CHRNG: variants seen among roughly 807,000 people sequenced by gnomAD.
The protein encoded by CHRNG is cholinergic receptor nicotinic gamma subunit, also known as acetylcholine receptor subunit gamma.
In CHRNG, 72 loss-of-function variants were observed where a neutral mutation model predicts 65.2. The ratio of observed to expected loss-of-function variants is 1.10; its 90% CI spans 0.91 to 1.34. CHRNG has a LOEUF of 1.34. CHRNG is among the 40% of genes most tolerant of loss of function. CHRNG has a pLI of 0.00. For missense variants in CHRNG, 637 were observed against 680.1 expected (o/e 0.94, Z 0.70); for synonymous variants, 284 against 290.2 (o/e 0.98, Z 0.22).
At position 232,547,634 on chromosome 2, in the gene CHRNG, A is replaced by T. The variant is rs113546674; in HGVS notation, c.*1918A>T. ...TGCACAGTGTGTTTGAAGCAAGAGC[A>T]GAGTCAGAGCTATAGAGAACTAGAG... is the stretch of plus-strand genomic sequence containing the variant. On this transcript the variant is annotated 3_prime_UTR_variant, in exon 12 of 12. Coordinates refer to ENST00000651502, the MANE Select transcript of CHRNG (RefSeq NM_005199.5). 7.0e-4 allele frequency among the ~76,000 whole-genome samples: 107 copies of T among 152,316 alleles called. No individual in the cohort carries two copies. Among genetic ancestry groups the T allele is most frequent in the Non-Finnish European group, 1.4e-3 (95 of 68,032 alleles).
In CHRNG at chr2:232,545,755, G is replaced by C. The variant is rs777563686; in HGVS notation, c.*39G>C. 3 of 1,607,980 alleles carry C rather than the reference G, an allele frequency of 1.9e-6. No homozygotes were observed. Among genetic ancestry groups the C allele is most frequent in the Non-Finnish European group, 2.6e-6 (3 of 1,174,984 alleles). ...TGTGGGGCATGTGGGAGTCACACAC[G>C]TGGGTCACACTGAGTCTTATCAGCC... On this transcript the variant is annotated 3_prime_UTR_variant, in exon 12 of 12. Coordinates refer to ENST00000651502, the MANE Select transcript of CHRNG (RefSeq NM_005199.5).
At position 232,540,978 on chromosome 2, in the gene CHRNG, A is replaced by G. The variant is rs1413920204; in HGVS notation, c.350+267A>G. Among the ~76,000 whole-genome samples the G allele has an allele frequency of 6.6e-6, 1 of 151,898 alleles. No homozygotes were observed. The highest frequency in any genetic ancestry group is 1.5e-5 in the Non-Finnish European group (1 of 67,966). Reference sequence around the variant, plus strand: ...GGTGGGCTGCTCCCTTCCCTGTAACATGGGGCCGCTGACGGGTCCTATAGA... The same window carrying G: ...GGTGGGCTGCTCCCTTCCCTGTAACGTGGGGCCGCTGACGGGTCCTATAGA... On this transcript the variant is annotated intron_variant, in intron 4 of 11. Transcript: ENST00000651502. The surrounding 1 kb of genome is among the most constrained non-coding windows in gnomAD (Gnocchi z 4.2).
intron 7 of CHRNG, 51 bp from the exon 8 acceptor site, chr2:232,543,224 G>T (rs752281775): frequency 1.9e-6 from 3 of 1,549,348 alleles, no homozygotes; most frequent in Non-Finnish European, 2.7e-6. Flanking sequence ...GGGTTCCTCT[G>T]TGGGTGGGGG....
At position 232,540,625 on chromosome 2, in the gene CHRNG, C is replaced by T. The variant is rs536328888; in HGVS notation, c.264C>T (p.Arg88=). The T allele has an allele frequency of 6.2e-7, 1 of 1,612,736 alleles. No homozygotes were observed. The highest frequency in any genetic ancestry group is 1.3e-5 in the African/African-American group (1 of 75,050). ...AGCAGTGGTGCGACTATCGCCTGCG[C>T]TGGGATCCGCGAGACTACGAAGGCC... ...IEMQWCDYRL[R]WDPRDYEGLW... Residue 88 remains arginine, a synonymous_variant, in exon 4 of 12, where the codon CGC becomes CGT. Coordinates refer to ENST00000651502, the MANE Select transcript of CHRNG (RefSeq NM_005199.5). This position sits in a 1 kb window ranked among gnomAD's most constrained non-coding sequence, Gnocchi z 4.2.
chr2:232,540,648 G>T lies in CHRNG; in HGVS notation c.287G>T (p.Gly96Val). ...CGCTGGGATCCGCGAGACTACGAAG[G>T]CCTGTGGGTGCTGAGGGTGCCGTCC... ...RLRWDPRDYE[G>V]LWVLRVPSTM... Residue 96 changes from glycine to valine, a missense_variant, in exon 4 of 12, where the codon GGC (glycine) becomes GTC (valine). Gly to Val is a moderately radical substitution (Grantham distance 109, BLOSUM62 -3). Coordinates refer to ENST00000651502, the MANE Select transcript of CHRNG (RefSeq NM_005199.5). The surrounding 1 kb of genome is among the most constrained non-coding windows in gnomAD (Gnocchi z 4.2). 2 of 1,613,138 alleles carry T rather than the reference G, an allele frequency of 1.2e-6. No homozygotes were observed. Among genetic ancestry groups the T allele is most frequent in the Non-Finnish European group, 1.7e-6 (2 of 1,179,984 alleles).
chr2:232,545,175 C>T lies in CHRNG; in HGVS notation c.1380+273C>T, dbSNP rs144915291. 3.1e-3 allele frequency among the ~76,000 whole-genome samples: 478 copies of T among 152,114 alleles called. 3 individuals carry two copies. Among genetic ancestry groups the T allele is most frequent in the African/African-American group, 0.01 (435 of 41,506 alleles). On this transcript the variant is annotated intron_variant, in intron 11 of 11. Coordinates refer to ENST00000651502, the MANE Select transcript of CHRNG (RefSeq NM_005199.5). ...ACCAAAAATTAGCTGGGTGTGGTGG[C>T]GGGCACCTGTATTCCCAGCTACTCA...
At chr2:232,543,792 C>T (rs1692069228) in intron 9 of CHRNG, 93 bp downstream of exon 9, 1 of 780,068 alleles carries the variant, frequency 1.3e-6, no homozygotes, top group South Asian at 1.4e-5. Flanking sequence ...TGTGGCATTC[C>T]ACAGCACACC....
At position 232,541,476 on chromosome 2, in the gene CHRNG, T is replaced by C. The variant is rs1692016692; in HGVS notation, c.453T>C (p.Ser151=). The part of the protein sequence containing the change: ...LPPAIFRSAC[S]ISVTYFPFDW... ...CTGCCATCTTCCGTTCCGCCTGCTC[T>C]ATCTCAGTCACCTACTTCCCCTTCG... The change falls in exon 5 of 12, where the codon TCT becomes TCC. Residue 151 remains serine, a synonymous_variant. Transcript: ENST00000651502. This position sits in a 1 kb window ranked among gnomAD's most constrained non-coding sequence, Gnocchi z 4.0. 4 of 1,614,040 alleles carry C rather than the reference T, an allele frequency of 2.5e-6. No individual in the cohort carries two copies. The highest frequency in any genetic ancestry group is 1.7e-6 in the Non-Finnish European group (2 of 1,180,010).
rs955760239 is a variant in CHRNG, at chr2:232,540,324, G to A, written c.196-57G>A. On this transcript the variant is annotated intron_variant, in intron 2 of 11. Coordinates refer to ENST00000651502, the MANE Select transcript of CHRNG (RefSeq NM_005199.5). This position sits in a 1 kb window ranked among gnomAD's most constrained non-coding sequence, Gnocchi z 4.2. ...TGCTTGGCCCCATTGGTGGCCTGTGGGGACTGGCACTGAAGTCGGGGGCTG... is the reference window on the plus strand; with the variant it reads ...TGCTTGGCCCCATTGGTGGCCTGTGAGGACTGGCACTGAAGTCGGGGGCTG... The A allele has an allele frequency of 1.9e-6, 3 of 1,610,278 alleles. No homozygotes were observed. In the African/African-American group the frequency reaches 4.0e-5, roughly 22 times the overall value.
chr2:232,541,012 A>G lies in CHRNG; in HGVS notation c.350+301A>G, dbSNP rs1253848363. On this transcript the variant is annotated intron_variant, in intron 4 of 11. Coordinates refer to ENST00000651502, the MANE Select transcript of CHRNG (RefSeq NM_005199.5). This position sits in a 1 kb window ranked among gnomAD's most constrained non-coding sequence, Gnocchi z 4.0. ...CTGACGGGTCCTATAGAAGCTGGCGAGAGTCAACAAGACAGGCATGAAAAG... is the reference window on the plus strand; with the variant it reads ...CTGACGGGTCCTATAGAAGCTGGCGGGAGTCAACAAGACAGGCATGAAAAG... 6.6e-6 allele frequency among the ~76,000 whole-genome samples: 1 copy of G among 152,082 alleles called. No homozygotes were observed. The highest frequency in any genetic ancestry group is 1.5e-5 in the Non-Finnish European group (1 of 67,990).
chr2:232,540,349 G>A lies in CHRNG; in HGVS notation c.196-32G>A, dbSNP rs768231836. ...GGGACTGGCACTGAAGTCGGGGGCT[G>A]AGCCCTCCATACTACACCCTTGCAC... is the stretch of plus-strand genomic sequence containing the variant. On this transcript the variant is annotated intron_variant, in intron 2 of 11. Coordinates refer to ENST00000651502, the MANE Select transcript of CHRNG (RefSeq NM_005199.5). The surrounding 1 kb of genome is among the most constrained non-coding windows in gnomAD (Gnocchi z 4.2). 2 of 1,613,996 alleles carry A rather than the reference G, an allele frequency of 1.2e-6. No individual in the cohort carries two copies. The highest frequency in any genetic ancestry group is 1.7e-6 in the Non-Finnish European group (2 of 1,179,906).
At position 232,541,500 on chromosome 2, in the gene CHRNG, C is replaced by G. The variant is rs13391285; in HGVS notation, c.477C>G (p.Phe159Leu). 1.9e-6 allele frequency: 3 copies of G among 1,614,106 alleles called. No individual in the cohort carries two copies. The highest frequency in any genetic ancestry group is 2.5e-6 in the Non-Finnish European group (3 of 1,179,996). Residue 159 changes from phenylalanine to leucine, a missense_variant, in exon 5 of 12, where the codon TTC becomes TTG. Coordinates refer to ENST00000651502, the MANE Select transcript of CHRNG (RefSeq NM_005199.5). This position sits in a 1 kb window ranked among gnomAD's most constrained non-coding sequence, Gnocchi z 4.0. ...ACSISVTYFPFDWQNCSLIFQ... is the reference protein window; with the variant it reads ...ACSISVTYFPLDWQNCSLIFQ... ...CTATCTCAGTCACCTACTTCCCCTT[C>G]GACTGGCAGAACTGCTCCCTTATCT...
chr2:232,540,623 C>G lies in CHRNG; in HGVS notation c.262C>G (p.Arg88Gly), dbSNP rs1261309571. ...IEMQWCDYRL[R>G]WDPRDYEGLW... is the part of the protein sequence containing the mutation. Reference sequence around the variant, plus strand: ...GCAGCAGTGGTGCGACTATCGCCTGCGCTGGGATCCGCGAGACTACGAAGG... The same window carrying G: ...GCAGCAGTGGTGCGACTATCGCCTGGGCTGGGATCCGCGAGACTACGAAGG... Residue 88 changes from arginine (R) to glycine (G), a missense_variant, in exon 4 of 12, where the codon CGC (arginine) becomes GGC (glycine). Physicochemically the swap from Arg to Gly is moderately radical, Grantham distance 125. Transcript: ENST00000651502. This position sits in a 1 kb window ranked among gnomAD's most constrained non-coding sequence, Gnocchi z 4.2. 3 of 1,612,510 alleles carry G rather than the reference C, an allele frequency of 1.9e-6. No individual in the cohort carries two copies. The highest frequency in any genetic ancestry group is 2.5e-6 in the Non-Finnish European group (3 of 1,179,962).
Position 232,540,109 on chromosome 2 carries a change from C to A in CHRNG, c.173C>A (p.Thr58Asn). The A allele has an allele frequency of 6.2e-7, 1 of 1,614,210 alleles. No individual in the cohort carries two copies. Among genetic ancestry groups the A allele is most frequent in the Non-Finnish European group, 8.5e-7 (1 of 1,180,012 alleles). ...SDVVNVSLKLTLTNLISLNER... is the reference protein window; with the variant it reads ...SDVVNVSLKLNLTNLISLNER... The stretch of plus-strand genomic sequence containing the variant: ...GTGGTCAATGTCAGCCTGAAGCTAA[C>A]CCTCACCAACCTCATCTCCCTGGTA... The change falls in exon 2 of 12, where the codon ACC becomes AAC. Residue 58 changes from threonine (T) to asparagine (N), a missense_variant. Transcript: ENST00000651502. The surrounding 1 kb of genome is among the most constrained non-coding windows in gnomAD (Gnocchi z 4.2).
intron 11 of CHRNG, among the ~76,000 whole-genome samples, 181 bp downstream of exon 11, chr2:232,545,083 G>A (rs1052397874): frequency 1.3e-5 from 2 of 152,052 alleles, no homozygotes; most frequent in Admixed American, 1.3e-4. Flanking sequence ...GATCACCTGA[G>A]GTCAGGAGTT....
At chr2:232,544,661 G>A (rs546453855) in intron 10 of CHRNG, 81 bp downstream of exon 10, 100 of 1,566,224 alleles carry the variant, frequency 6.4e-5, no homozygotes, top group Admixed American at 2.2e-4. Flanking sequence ...ATGAGTGCTG[G>A]AGAAGTGCCC....
At position 232,544,557 on chromosome 2, in the gene CHRNG, T is replaced by C; in HGVS notation, c.1226T>C (p.Val409Ala). ...LFQQWQRQGL[V>A]AAALEKLEKG... is the part of the protein sequence containing the mutation. The stretch of plus-strand genomic sequence containing the variant: ...CAGCAGTGGCAGCGGCAAGGGCTGG[T>C]GGCGGCAGCGCTGGAGAAGCTAGGT... The change falls in exon 10 of 12, where the codon GTG becomes GCG. Residue 409 changes from valine to alanine, a missense_variant. Val to Ala is a moderately conservative substitution (Grantham distance 64). Coordinates refer to ENST00000651502, the MANE Select transcript of CHRNG (RefSeq NM_005199.5). 2 of 1,613,302 alleles carry C rather than the reference T, an allele frequency of 1.2e-6. No homozygotes were observed. Among genetic ancestry groups the C allele is most frequent in the Non-Finnish European group, 1.7e-6 (2 of 1,179,774 alleles).
chr2:232,544,867 G>A lies in CHRNG; in HGVS notation c.1345G>A (p.Ala449Thr). The A allele has an allele frequency of 6.2e-7, 1 of 1,613,988 alleles. No homozygotes were observed. The highest frequency in any genetic ancestry group is 1.7e-5 in the Admixed American group (1 of 60,024). ...CTGTGTGGAAGCCTGCAACCTCATT[G>A]CCTGTGCCCGGCACCAGCAGAGTCA... is the stretch of plus-strand genomic sequence containing the variant. ...QACVEACNLIACARHQQSHFD... is the reference protein window; with the variant it reads ...QACVEACNLITCARHQQSHFD... Residue 449 changes from alanine (A) to threonine (T), a missense_variant, in exon 11 of 12, where the codon GCC (alanine) becomes ACC (threonine). Transcript: ENST00000651502.
chr2:232,543,054 C>T lies in CHRNG; in HGVS notation c.777C>T (p.Ala259=). The T allele has an allele frequency of 1.2e-6, 2 of 1,614,206 alleles. No individual in the cohort carries two copies. The highest frequency in any genetic ancestry group is 1.7e-6 in the Non-Finnish European group (2 of 1,180,030). ...IAPCVLISSV[A]ILIHFLPAKA... Reference sequence around the variant, plus strand: ...CCTGTGTGCTCATCTCCTCTGTCGCCATCCTCATCCACTTCCTTCCTGCCA... The same window carrying T: ...CCTGTGTGCTCATCTCCTCTGTCGCTATCCTCATCCACTTCCTTCCTGCCA... The change falls in exon 7 of 12, where the codon GCC becomes GCT. Residue 259 remains alanine, a synonymous_variant. Coordinates refer to ENST00000651502, the MANE Select transcript of CHRNG (RefSeq NM_005199.5).
Sources: gnomAD v4.1 joint callset for allele counts (sites outside exome capture counted in the v4.1 genomes callset) on GRCh38, gnomAD v4.1.1 for gene constraint, Gnocchi (gnomAD v3.1) non-coding constraint, MANE v1.5 for transcripts, NCBI Gene and HGNC (gene_info 2026-07-23, HGNC 2026-07-21) for gene names.